Variants in PPFIBP1 observed in about 807,000 individuals in gnomAD.
The protein encoded by PPFIBP1 is PPFIB scaffold protein 1.
In PPFIBP1, 112 loss-of-function variants were observed where a neutral mutation model predicts 137.8. The ratio of observed to expected loss-of-function variants is 0.81; its 90% CI spans 0.70 to 0.95. The LOEUF (loss-of-function observed/expected upper bound fraction) is 0.95. Ranked by LOEUF, PPFIBP1 falls within the 40% of genes least tolerant of loss-of-function variation. The pLI is 0.00. For missense variants in PPFIBP1, 1,083 were observed against 1,196.6 expected (o/e 0.91, Z 1.40); for synonymous variants, 378 against 417.3 (o/e 0.91, Z 1.15).
intron 6 of PPFIBP1, among the ~76,000 whole-genome samples, chr12:27,648,303 A>G (rs1180995656): frequency 6.6e-6 from 1 of 152,220 alleles, no homozygotes; most frequent in Non-Finnish European, 1.5e-5. Flanking sequence ...ATGAGATACT[A>G]TCTCACCCCA....
rs1000387844 is a variant in PPFIBP1 at position 27,688,140 on chromosome 12, A to G, written c.2371-158A>G. On this transcript the variant is annotated intron_variant, in intron 25 of 29. Coordinates refer to ENST00000228425, the MANE Select transcript of PPFIBP1 (RefSeq NM_003622.4). ...GCAATGCTTTATTAGTATATAAGAA[A>G]GCTTGAAACTCAAACTATGACAGAA... The G allele has an allele frequency of 4.7e-6, 4 of 850,462 alleles. No individual in the cohort carries two copies. The African/African-American group carries it at 6.8e-5, about 14-fold the overall frequency. 52.7% of individuals were successfully genotyped at this position (850,462 alleles called of 1,614,324 possible). A position where few individuals can be genotyped will look rare whatever the true frequency, so the allele number is the denominator to read the frequency against.
At chr12:27,626,834 G>T (rs933308048) in intron 2 of PPFIBP1, among the ~76,000 whole-genome samples, 4 of 152,132 alleles carry the variant, frequency 2.6e-5, no homozygotes, top group Non-Finnish European at 4.4e-5. Flanking sequence ...CCAAAGTGCT[G>T]GGATTACAGG....
At chr12:27,535,949 A>G (rs1343497171) in intron 1 of PPFIBP1, among the ~76,000 whole-genome samples, 1 of 152,206 alleles carries the variant, frequency 6.6e-6, no homozygotes, top group Non-Finnish European at 1.5e-5. Context: ...TTGTGCCGTC[A>G]TTTTCAGCAT....
chr12:27,657,343 T>G (rs1326642024), intron 9 of PPFIBP1, among the ~76,000 whole-genome samples: 8 of 151,948 alleles, frequency 5.3e-5, no homozygotes, highest in Admixed American at 5.3e-4. Context: ...TGATAGAAAA[T>G]AGCCCGAATG....
chr12:27,598,728 G>T (rs1295360362), intron 2 of PPFIBP1, among the ~76,000 whole-genome samples: 1 of 152,162 alleles, frequency 6.6e-6, no homozygotes, highest in African/African-American at 2.4e-5. Flanking sequence ...CCATGCTGAG[G>T]AATGTAGTCA....
chr12:27,665,631 G>C (rs1434804269), intron 12 of PPFIBP1, among the ~76,000 whole-genome samples: 2 of 152,216 alleles, frequency 1.3e-5, no homozygotes, highest in Non-Finnish European at 2.9e-5. Context: ...GAGGAAATTT[G>C]AAAGTGCTCT....
rs562299823 is a variant in PPFIBP1, at chr12:27,625,822, G to A, written c.-35-7540G>A. On this transcript the variant is annotated intron_variant, in intron 2 of 29. Transcript: ENST00000228425. ...TGGTCTCGAACTCCTGACCTCAAGT[G>A]ATCTGCCCGCCTTGGCCTCCCAAAG... is the stretch of plus-strand genomic sequence containing the variant. Among the ~76,000 whole-genome samples, 17 of 152,084 alleles carry A rather than the reference G, an allele frequency of 1.1e-4. No homozygotes were observed. In the South Asian group the frequency reaches 3.5e-3, roughly 32 times the overall value.
At chr12:27,650,415 C>T (rs1332423665) in intron 7 of PPFIBP1, among the ~76,000 whole-genome samples, 5 of 152,084 alleles carry the variant, frequency 3.3e-5, no homozygotes, top group East Asian at 3.9e-4. Flanking sequence ...TTTGACTTTA[C>T]GATATTTGGA....
At chr12:27,648,684 T>G (rs1238611266) in intron 6 of PPFIBP1, among the ~76,000 whole-genome samples, 1 of 152,120 alleles carries the variant, frequency 6.6e-6, no homozygotes. Context: ...AAGCATGAGA[T>G]TCAGTCATTT....
chr12:27,575,894 C>T (rs1403726827), intron 1 of PPFIBP1, among the ~76,000 whole-genome samples: 1 of 152,190 alleles, frequency 6.6e-6, no homozygotes, highest in African/African-American at 2.4e-5. Context: ...AAAGTCTCTT[C>T]ATTTGATCAA....
intron 1 of PPFIBP1, among the ~76,000 whole-genome samples, chr12:27,563,119 T>C (rs1344169342): frequency 6.6e-6 from 1 of 151,088 alleles, no homozygotes; most frequent in Admixed American, 6.6e-5. Flanking sequence ...AGGTGGGCCG[T>C]ATGTAAATAA....
At chr12:27,544,574 G>A (rs1946026559) in intron 1 of PPFIBP1, among the ~76,000 whole-genome samples, 1 of 152,074 alleles carries the variant, frequency 6.6e-6, no homozygotes, top group African/African-American at 2.4e-5. Flanking sequence ...ATCAAAAAGT[G>A]CGCAAAGGAT....
intron 26 of PPFIBP1, 148 bp from the exon 27 acceptor site, chr12:27,688,867 C>G (rs1367065841): frequency 5.7e-6 from 4 of 703,526 alleles, no homozygotes; most frequent in Non-Finnish European, 9.1e-6. Flanking sequence ...AATTAAAGAT[C>G]AAAGTCCATA....
chr12:27,683,819 G>A lies in PPFIBP1; in HGVS notation c.2247+1116G>A, dbSNP rs555569239. ...TTATTTTATTTTGAGACGGAGTCTCGCTCTGTCGCCCAGGCTGGAGTGCAG... is the reference window on the plus strand; with the variant it reads ...TTATTTTATTTTGAGACGGAGTCTCACTCTGTCGCCCAGGCTGGAGTGCAG... On this transcript the variant is annotated intron_variant, in intron 24 of 29. Coordinates refer to ENST00000228425, the MANE Select transcript of PPFIBP1 (RefSeq NM_003622.4). Among the ~76,000 whole-genome samples the A allele has an allele frequency of 8.6e-5, 13 of 151,206 alleles. No homozygotes were observed. In the South Asian group the frequency reaches 1.9e-3, roughly 22 times the overall value.
chr12:27,593,547 G>A (rs953658256), intron 2 of PPFIBP1: 11 of 372,410 alleles, frequency 3.0e-5, no homozygotes, highest in African/African-American at 1.3e-4. Flanking sequence ...GGGAGCTGCC[G>A]TACAGCTGGA....
intron 10 of PPFIBP1, 110 bp from the exon 11 acceptor site, chr12:27,660,774 G>T (rs2059496464): frequency 1.4e-6 from 2 of 1,440,936 alleles, no homozygotes; most frequent in Non-Finnish European, 1.8e-6. Flanking sequence ...ATAAATGAAA[G>T]AAATCATTAA....
In PPFIBP1 at chr12:27,635,038, G is replaced by T; in HGVS notation, c.193G>T (p.Asp65Tyr). Residue 65 changes from aspartate (D) to tyrosine (Y), a missense_variant, in exon 4 of 30, where the codon GAT (aspartate) becomes TAT (tyrosine). Transcript: ENST00000228425. ...LRGLLEMMET[D>Y]EKEGLRCQIP... ...TGGATTGTTAGAGATGATGGAAACA[G>T]ATGAGAAAGAAGGCTTGAGATGCCA... 3.1e-6 allele frequency: 5 copies of T among 1,614,180 alleles called. No individual in the cohort carries two copies. The highest frequency in any genetic ancestry group is 4.2e-6 in the Non-Finnish European group (5 of 1,180,000).
intron 11 of PPFIBP1, among the ~76,000 whole-genome samples, chr12:27,663,865 G>A (rs533202471): frequency 1.3e-5 from 2 of 151,980 alleles, no homozygotes; most frequent in African/African-American, 2.4e-5. Context: ...GAAAAAGGAT[G>A]AAAAGTGTTC....
rs745927109 is a variant in PPFIBP1, at chr12:27,691,923, G to A, written c.2860G>A (p.Glu954Lys). 1.0e-5 allele frequency: 16 copies of A among 1,604,788 alleles called. No individual in the cohort carries two copies. The Admixed American group carries it at 1.0e-4, about 10-fold the overall frequency. The change falls in exon 28 of 30, where the codon GAG becomes AAG. Residue 954 changes from glutamate (E) to lysine (K), a missense_variant. Physicochemically the swap from Glu to Lys is moderately conservative, Grantham distance 56. Transcript: ENST00000228425. ...LYEEDDLDRL[E>K]QMEDSEGTVR... is the part of the protein sequence containing the mutation. The stretch of plus-strand genomic sequence containing the variant: ...TGAGGAAGATGATTTGGACCGGTTA[G>A]AGCAGGTAAATCCAACACTGTATAA...
Sources: gnomAD v4.1 joint callset for allele counts (sites outside exome capture counted in the v4.1 genomes callset) on GRCh38, gnomAD v4.1.1 for gene constraint, MANE v1.5 for transcripts, NCBI Gene and HGNC (gene_info 2026-07-23, HGNC 2026-07-21) for gene names.